Variants in CACNA1A observed in about 807,000 individuals in gnomAD.
The protein encoded by CACNA1A is voltage-dependent P/Q-type calcium channel subunit alpha-1A.
In CACNA1A, 57 loss-of-function variants were observed where a neutral mutation model predicts 262.4. That is an observed-to-expected ratio of 0.22 (90% CI 0.18 to 0.27). CACNA1A has a LOEUF of 0.27. CACNA1A is among the 10% of genes least tolerant of loss of function. The probability of loss-of-function intolerance (pLI) is 1.00; values close to 1 mark genes in which losing one functional copy is unlikely to be tolerated. For missense variants in CACNA1A, 2,526 were observed against 3,562.8 expected, an observed-to-expected ratio of 0.71 and a Z score of 7.41; for synonymous variants, 1,431 against 1,419.3, an observed-to-expected ratio of 1.01 and a Z score of -0.18.
Position 13,231,746 on chromosome 19 carries a change from A to G in CACNA1A, c.5364T>C (p.Phe1788=), listed in dbSNP as rs556863058. Residue 1788 remains phenylalanine (F), a synonymous_variant, in exon 35 of 47, where the codon TTT becomes TTC. Transcript: ENST00000360228. ...AGAGGAAGATGAAGGAAACAAAGTA[A>G]AAATAAGCAAATTCATTGCCACACT... ...TRECGNEFAY[F]YFVSFIFLCS... 1 of 1,613,710 alleles carries G rather than the reference A, an allele frequency of 6.2e-7. No homozygotes were observed. Among genetic ancestry groups the G allele is most frequent in the Non-Finnish European group, 8.5e-7 (1 of 1,179,752 alleles).
At chr19:13,413,939 G>GAAAGAAAGAA (rs1312413840) in intron 3 of CACNA1A, among the ~76,000 whole-genome samples, 2 of 141,856 alleles carry the variant, frequency 1.4e-5, no homozygotes, top group Non-Finnish European at 3.1e-5. Context: ...AAGAAAGAAA[G>GAAAGAAAGAA]AAAGAAAAGG....
chr19:13,469,906 C>T (rs980945382), intron 1 of CACNA1A, among the ~76,000 whole-genome samples: 4 of 152,010 alleles, frequency 2.6e-5, no homozygotes, highest in African/African-American at 9.7e-5. Flanking sequence ...TTGATTATAT[C>T]GCACTTTCTT....
At position 13,277,135 on chromosome 19, in the gene CACNA1A, G is replaced by A. The variant is rs773263190; in HGVS notation, c.3823-7C>T. 4 of 1,608,274 alleles carry A rather than the reference G, an allele frequency of 2.5e-6. No individual in the cohort carries two copies. The highest frequency in any genetic ancestry group is 2.7e-5 in the African/African-American group (2 of 74,826). On this transcript the variant is annotated splice_region_variant and splice_polypyrimidine_tract_variant and intron_variant, in intron 22 of 46. Transcript: ENST00000360228. ...AGTCAAAGTATCGCAGCACCTGTAA[G>A]GGATAAAAGCAAGAGAGCAGTGGAT...
At chr19:13,385,226 C>CTTTTTTTTTTTTTTTTTTTT (rs200379554) in intron 3 of CACNA1A, among the ~76,000 whole-genome samples, 1 of 137,560 alleles carries the variant, frequency 7.3e-6, no homozygotes. Flanking sequence ...TCTATTCTTT[C>CTTTTTTTTTTTTTTTTTTTT]TTTCTTTTTT....
chr19:13,447,008 T>C (rs953114743), intron 3 of CACNA1A, among the ~76,000 whole-genome samples: 9 of 151,884 alleles, frequency 5.9e-5, no homozygotes, highest in Admixed American at 2.6e-4. Context: ...TTGAAGGAGA[T>C]AGAACCACCA....
intron 1 of CACNA1A, among the ~76,000 whole-genome samples, chr19:13,491,260 T>C (rs977135647): frequency 1.3e-5 from 2 of 152,202 alleles, no homozygotes; most frequent in African/African-American, 4.8e-5. Flanking sequence ...AGTCTCAGTG[T>C]GCACATCTGC....
In CACNA1A at chr19:13,212,849, C is replaced by CAA. The variant is rs57946234; in HGVS notation, c.5941-110_5941-109insTT. On this transcript the variant is annotated intron_variant, in intron 40 of 46. Coordinates refer to ENST00000360228, the MANE Select transcript of CACNA1A (RefSeq NM_001127222.2). This position sits in a 1 kb window ranked among gnomAD's most constrained non-coding sequence, Gnocchi z 5.6. ...GTATACACACACACACACACACACA[C>CAA]TCTCTCAGGTCTCATCCATCTAGAC... The CAA allele has an allele frequency of 1.2e-5, 7 of 568,190 alleles. No homozygotes were observed. Among genetic ancestry groups the CAA allele is most frequent in the Non-Finnish European group, 2.1e-5 (7 of 325,864 alleles). The allele number at this position is 568,190 out of a possible 1,614,324, so 35.2% of individuals were successfully genotyped here.
chr19:13,426,930 T>C (rs1422907493), intron 3 of CACNA1A, among the ~76,000 whole-genome samples: 3 of 152,216 alleles, frequency 2.0e-5, no homozygotes, highest in African/African-American at 7.2e-5. Context: ...CAAAATATTT[T>C]AGGGAAAATA....
intron 3 of CACNA1A, among the ~76,000 whole-genome samples, chr19:13,412,071 C>T (rs1309181437): frequency 6.6e-6 from 1 of 151,956 alleles, no homozygotes; most frequent in Non-Finnish European, 1.5e-5. Context: ...AAAATTAAGT[C>T]AACACAGATA....
chr19:13,478,055 T>G (rs1180027243), intron 1 of CACNA1A, among the ~76,000 whole-genome samples: 2 of 152,172 alleles, frequency 1.3e-5, no homozygotes, highest in African/African-American at 2.4e-5. Context: ...TCTCTGTTCT[T>G]GGAAACTCAA....
chr19:13,271,217 T>TTTTTG (rs2057010549), intron 24 of CACNA1A: 1 of 41,120 alleles, frequency 2.4e-5, no homozygotes, highest in Non-Finnish European at 4.2e-5. Context: ...TTCTGCTGTT[T>TTTTTG]TTTTTTTTTT....
chr19:13,342,516 G>A (rs1394093988), intron 6 of CACNA1A, among the ~76,000 whole-genome samples: 1 of 152,172 alleles, frequency 6.6e-6, no homozygotes, highest in African/African-American at 2.4e-5. Flanking sequence ...GACTTCCACT[G>A]CCTGGAACAC....
intron 3 of CACNA1A, among the ~76,000 whole-genome samples, chr19:13,445,621 T>C (rs1211628744): frequency 6.6e-6 from 1 of 152,242 alleles, no homozygotes; most frequent in African/African-American, 2.4e-5. Flanking sequence ...TTTCTTAACA[T>C]GCACGATTTG....
intron 3 of CACNA1A, among the ~76,000 whole-genome samples, chr19:13,426,797 G>T (rs2060410177): frequency 6.6e-6 from 1 of 152,114 alleles, no homozygotes; most frequent in Admixed American, 6.6e-5. Context: ...ATCACAAATT[G>T]GCATCCACCT....
intron 10 of CACNA1A, among the ~76,000 whole-genome samples, chr19:13,328,404 T>C (rs2058405180): frequency 6.6e-6 from 1 of 152,008 alleles, no homozygotes; most frequent in South Asian, 2.1e-4. Context: ...AAAATGCAAA[T>C]GAAAACAAGC....
chr19:13,317,451 G>A, intron 10 of CACNA1A, 130 bp from the exon 11 acceptor site: 1 of 695,258 alleles, frequency 1.4e-6, no homozygotes, highest in Non-Finnish European at 2.4e-6. Context: ...TGGCCTGAGG[G>A]AACCATCATG....
At chr19:13,377,658 C>T (rs967315950) in intron 3 of CACNA1A, among the ~76,000 whole-genome samples, 1 of 152,094 alleles carries the variant, frequency 6.6e-6, no homozygotes, top group Non-Finnish European at 1.5e-5. Flanking sequence ...CCACCATGCC[C>T]AGCCACAACA....
intron 3 of CACNA1A, among the ~76,000 whole-genome samples, chr19:13,436,651 A>G (rs772543785): frequency 3.3e-5 from 5 of 152,212 alleles, no homozygotes; most frequent in Non-Finnish European, 7.3e-5. Flanking sequence ...CTCAAGTTCT[A>G]CACGAGGCTC....
At chr19:13,264,050 A>T in intron 24 of CACNA1A, among the ~76,000 whole-genome samples, 1 of 152,060 alleles carries the variant, frequency 6.6e-6, no homozygotes, top group East Asian at 1.9e-4. Context: ...AGGGTCTCTG[A>T]GCCCATCTTT....
Sources: allele counts gnomAD v4.1 joint callset (sites outside exome capture counted in the v4.1 genomes callset), GRCh38; gene constraint gnomAD v4.1.1; non-coding constraint Gnocchi (gnomAD v3.1); transcripts MANE v1.5; gene names NCBI Gene and HGNC (gene_info 2026-07-23, HGNC 2026-07-21).